The following NLRP7 variants were observed in gnomAD, a reference collection of about 807,000 sequenced individuals.
NLRP7 encodes NLR family pyrin domain containing 7, also known as NACHT, LRR and PYD domains-containing protein 7.
In NLRP7, 72 loss-of-function variants were observed where a neutral mutation model predicts 85.5. That is an observed-to-expected ratio of 0.84 (90% CI 0.70 to 1.02). The LOEUF (loss-of-function observed/expected upper bound fraction) is 1.02, where lower values mean the gene tolerates loss of function less well. Ranked by LOEUF, NLRP7 falls within the 50% of genes least tolerant of loss-of-function variation. The pLI is 0.00. For missense variants in NLRP7, 1,243 were observed against 1,219.5 expected, an observed-to-expected ratio of 1.02 and a Z score of -0.29; for synonymous variants, 550 against 505.2, an observed-to-expected ratio of 1.09 and a Z score of -1.19.
chr19:54,938,196 G>A (rs1228788701), exon 5 of NLRP7: 3 of 1,614,110 alleles, frequency 1.9e-6, no homozygotes, highest in Admixed American at 3.3e-5. Flanking sequence ...GGCGAAGAGA[G>A]CGAAGATCCT....
rs1352704842 is a variant in NLRP7 at position 54,934,726 on chromosome 19, T to C, written c.2301-67A>G. On this transcript the variant is annotated intron_variant, in intron 6 of 9. Transcript: ENST00000340844. The surrounding 1 kb of genome is among the most constrained non-coding windows in gnomAD (Gnocchi z 6.7). ...AGTATACCCTATCAGCTTTTTTTTTTTGAGACAGAGTTTCACTCTGTTGCC... is the reference window on the plus strand; with the variant it reads ...AGTATACCCTATCAGCTTTTTTTTTCTGAGACAGAGTTTCACTCTGTTGCC... 5.2e-6 allele frequency: 7 copies of C among 1,349,344 alleles called. No individual in the cohort carries two copies. Among genetic ancestry groups the C allele is most frequent in the Admixed American group, 4.8e-5 (2 of 41,330 alleles). 83.6% of individuals were successfully genotyped at this position (1,349,344 alleles called of 1,614,324 possible).
chr19:54,939,040 T>A (rs1239242821), exon 4 of NLRP7: 1 of 1,614,030 alleles, frequency 6.2e-7, no homozygotes, highest in African/African-American at 1.3e-5. Flanking sequence ...GAATAGAAAT[T>A]TCCTTGAACG....
At chr19:54,937,963 C>T (rs2069011516) in intron 5 of NLRP7, 81 bp downstream of exon 5, 3 of 988,300 alleles carry the variant, frequency 3.0e-6, no homozygotes, top group East Asian at 2.4e-5. Context: ...TGAAACAGCA[C>T]ATTTCCAAAT....
At chr19:54,951,794 A>G (rs772466125), upstream of NLRP7, among the ~76,000 whole-genome samples, 16 of 149,932 alleles carry the variant, frequency 1.1e-4, no homozygotes, top group African/African-American at 2.5e-4. Context: ...TCTGTCGCCC[A>G]GGCTGGAGGG....
At position 54,941,664 on chromosome 19, in the gene NLRP7, CT is replaced by C. The variant is rs770262926; in HGVS notation, c.47del (p.Gln16ArgfsTer2). 2 of 1,613,848 alleles carry C rather than the reference CT, an allele frequency of 1.2e-6. No individual in the cohort carries two copies. The highest frequency in any genetic ancestry group is 2.2e-5 in the South Asian group (2 of 91,080). ...AACTCTTTAATTCATCCTCGTTCAG[CT>C]GCTCCAGAAGGGTCTGCAGAGTCCA... On this transcript the variant is annotated frameshift_variant, in exon 2 of 10. Transcript: ENST00000340844. LOFTEE classifies it high-confidence loss of function.
chr19:54,947,551 C>T (rs182078376), upstream of NLRP7: 43 of 1,289,544 alleles, frequency 3.3e-5, no homozygotes, highest in Middle Eastern at 2.1e-4. Context: ...GCCCTTGGTA[C>T]GCTAGGTGGA....
exon 1 of NLRP7, chr19:54,947,483 G>C (rs1375210174): frequency 6.2e-6 from 8 of 1,289,624 alleles, no homozygotes; most frequent in Non-Finnish European, 8.1e-6. Context: ...CTCAGGTCAG[G>C]TCTTGCTTCC....
rs1569540968 is a variant in NLRP7, at chr19:54,940,919, G to GT, written c.352+11dup. 1.3e-6 allele frequency: 2 copies of GT among 1,549,642 alleles called. No individual in the cohort carries two copies. Among genetic ancestry groups the GT allele is most frequent in the Admixed American group, 3.3e-5 (2 of 59,880 alleles). On this transcript the variant is annotated intron_variant, in intron 3 of 9. Transcript: ENST00000340844. ...ACACCAAACTCATGACCATAGGACC[G>GT]TATTTACCCACCTGGCTTTGCTAAC...
chr19:54,923,893 A>G (rs1042045960), intron 9 of NLRP7, 21 bp from the exon 11 acceptor site: 1 of 1,609,606 alleles, frequency 6.2e-7, no homozygotes, highest in Non-Finnish European at 8.5e-7. Context: ...CAGAGAACAC[A>G]AATGTTCCCA....
At chr19:54,959,808 T>C (rs2069978125) in intron 1 of NLRP7, among the ~76,000 whole-genome samples, 1 of 151,864 alleles carries the variant, frequency 6.6e-6, no homozygotes, top group Non-Finnish European at 1.5e-5. Flanking sequence ...AGAAAGTAAA[T>C]GGAGACAGCT....
At chr19:54,945,052 A>G (rs1353775479) in intron 1 of NLRP7, among the ~76,000 whole-genome samples, 1 of 151,658 alleles carries the variant, frequency 6.6e-6, no homozygotes, top group Non-Finnish European at 1.5e-5. Flanking sequence ...ATCCTGGCTA[A>G]CACGGTGAAA....
At chr19:54,933,669 G>T in exon 8 of NLRP7, 1 of 1,614,158 alleles carries the variant, frequency 6.2e-7, no homozygotes, top group Non-Finnish European at 8.5e-7. Context: ...AGGTGTGTCA[G>T]CTTCTTGCTG....
intron 1 of NLRP7, among the ~76,000 whole-genome samples, chr19:54,957,008 G>GTATTTATT (rs150396854): frequency 2.5e-4 from 38 of 150,398 alleles, no homozygotes; most frequent in African/African-American, 8.3e-4. Flanking sequence ...ATGTATGTAT[G>GTATTTATT]TATTTATTTA....
rs147840047 is a variant in NLRP7, at chr19:54,936,624, C to T, written c.2130-193G>A. ...ATAACCTGAGGTCAGGAGTCTGAGA[C>T]CAACCTGGGCAACATGGTGAAACTC... On this transcript the variant is annotated intron_variant, in intron 5 of 9. Transcript: ENST00000340844. Among the ~76,000 whole-genome samples the T allele has an allele frequency of 8.4e-3, 1,262 of 150,624 alleles. 5 individuals are homozygous for T. The highest frequency in any genetic ancestry group is 0.013 in the Non-Finnish European group (874 of 67,620).
chr19:54,954,420 CT>C (rs2069782115), intron 1 of NLRP7, among the ~76,000 whole-genome samples: 1 of 139,868 alleles, frequency 7.1e-6, no homozygotes, highest in Admixed American at 7.0e-5. Context: ...GTCCCAGCTA[CT>C]CGGGAGGCTG....
rs1212367691 is a variant in NLRP7 at position 54,934,061 on chromosome 19, A to G, written c.2472-322T>C. Among the ~76,000 whole-genome samples, 1 of 152,152 alleles carries G rather than the reference A, an allele frequency of 6.6e-6. No homozygotes were observed. On this transcript the variant is annotated intron_variant, in intron 7 of 9. Transcript: ENST00000340844. The surrounding 1 kb of genome is among the most constrained non-coding windows in gnomAD (Gnocchi z 6.7). ...CAGGTTTACACCATTCTGCTGACTC[A>G]GCCTCCTGAGTAGCTGGGACTACAG...
intron 9 of NLRP7, among the ~76,000 whole-genome samples, chr19:54,925,473 T>C (rs1422165175): frequency 6.6e-6 from 1 of 152,160 alleles, no homozygotes; most frequent in Non-Finnish European, 1.5e-5. Flanking sequence ...ATGAAGCAGT[T>C]TACATGCGTA....
At chr19:54,925,320 T>A (rs2068384136) in intron 9 of NLRP7, among the ~76,000 whole-genome samples, 1 of 152,176 alleles carries the variant, frequency 6.6e-6, no homozygotes, top group East Asian at 1.9e-4. Flanking sequence ...AGCTCAAGTT[T>A]CATGATATAC....
Position 54,939,525 on chromosome 19 carries a change from G to A in NLRP7, c.1294C>T (p.Arg432Ter), listed in dbSNP as rs104895530. 6 of 1,613,586 alleles carry A rather than the reference G, an allele frequency of 3.7e-6. No individual in the cohort carries two copies. The East Asian group carries it at 8.9e-5, about 24-fold the overall frequency. ...ACCCCGAGCCTTTCCAGGTCCTCTC[G>A]GTGGAACACGGACATCTGCGCCCAC... The change falls in exon 4 of 10, where the codon CGA becomes TGA. Residue 432 changes from arginine (R) to a stop codon, truncating the protein, a stop_gained. Transcript: ENST00000340844. LOFTEE classifies it high-confidence loss of function.
Sources: gnomAD v4.1 joint callset for allele counts (sites outside exome capture counted in the v4.1 genomes callset) on GRCh38, gnomAD v4.1.1 for gene constraint, Gnocchi (gnomAD v3.1) non-coding constraint, MANE v1.5 for transcripts, NCBI Gene and HGNC (gene_info 2026-07-23, HGNC 2026-07-21) for gene names.